DCAF6: variants seen among roughly 807,000 people sequenced by gnomAD.
DCAF6 encodes DDB1- and CUL4-associated factor 6.
DCAF6 carries 54 observed loss-of-function variants against 125.1 expected under a neutral mutation model. That is an observed-to-expected ratio of 0.43 (90% CI 0.35 to 0.54). DCAF6 has a LOEUF of 0.54. Among genes scored for constraint, DCAF6 ranks in the 20% least tolerant of loss-of-function variants. The probability of loss-of-function intolerance (pLI) is 0.01; values close to 1 mark genes in which losing one functional copy is unlikely to be tolerated. For missense variants in DCAF6, 934 were observed against 1,161.7 expected, an observed-to-expected ratio of 0.80 and a Z score of 2.85; for synonymous variants, 371 against 390.4, an observed-to-expected ratio of 0.95 and a Z score of 0.58.
the DCAF6 span, chr1:167,880,071 T>C: frequency 8.4e-6 from 13 of 1,541,242 alleles, no homozygotes; most frequent in Middle Eastern, 2.0e-4. Flanking sequence ...GGCAAGGTGC[T>C]GTGTTTGCAG....
chr1:167,919,841 T>C, the DCAF6 span: 1 of 540,268 alleles, frequency 1.9e-6, no homozygotes, highest in Non-Finnish European at 3.3e-6. Flanking sequence ...GTCTTAGCAT[T>C]ATATATGAAT....
chr1:167,951,485 G>GA (rs1673929747), intron 1 of DCAF6, among the ~76,000 whole-genome samples: 1 of 152,176 alleles, frequency 6.6e-6, no homozygotes, highest in Admixed American at 6.5e-5. Context: ...TGAGGAAGGA[G>GA]AATTGCTTGA....
intron 7 of DCAF6, among the ~76,000 whole-genome samples, chr1:167,997,569 A>G (rs1471774814): frequency 2.0e-5 from 3 of 152,146 alleles, no homozygotes; most frequent in Non-Finnish European, 2.9e-5. Context: ...GTTACTAGGT[A>G]TGGTTTCCAG....
chr1:168,019,526 C>T (rs1281969635), intron 11 of DCAF6: 2 of 455,654 alleles, frequency 4.4e-6, no homozygotes, highest in African/African-American at 2.0e-5. Flanking sequence ...TTAAGCCCAA[C>T]TCTTTTTTTC....
At chr1:168,014,802 C>T (rs1684739967) in intron 10 of DCAF6, among the ~76,000 whole-genome samples, 1 of 152,200 alleles carries the variant, frequency 6.6e-6, no homozygotes, top group Non-Finnish European at 1.5e-5. Flanking sequence ...ACTCTTCCTC[C>T]AGGTATCCAT....
At chr1:168,069,319 G>A (rs1352758634) in intron 21 of DCAF6, among the ~76,000 whole-genome samples, 1 of 152,050 alleles carries the variant, frequency 6.6e-6, no homozygotes, top group African/African-American at 2.4e-5. Context: ...CAAACCTCTG[G>A]ATGATCTAAT....
intron 17 of DCAF6, among the ~76,000 whole-genome samples, chr1:168,059,690 G>C (rs560405921): frequency 1.3e-5 from 2 of 152,110 alleles, no homozygotes; most frequent in Admixed American, 6.5e-5. Context: ...GTGTCGCCTA[G>C]GCTGGATTGC....
intron 1 of DCAF6, among the ~76,000 whole-genome samples, chr1:167,944,387 T>G (rs189265372): frequency 2.0e-5 from 3 of 152,344 alleles, no homozygotes; most frequent in African/African-American, 7.2e-5. Flanking sequence ...TGGAGAAATC[T>G]CCATACTGTT....
chr1:167,929,665 T>G, the DCAF6 span, among the ~76,000 whole-genome samples: 2 of 152,188 alleles, frequency 1.3e-5, no homozygotes, highest in Non-Finnish European at 1.5e-5. Context: ...TAATAAAATA[T>G]TATATGAATC....
intron 11 of DCAF6, among the ~76,000 whole-genome samples, chr1:168,017,621 A>G (rs1685152299): frequency 6.6e-6 from 1 of 152,146 alleles, no homozygotes; most frequent in South Asian, 2.1e-4. Flanking sequence ...AACAGTAGAA[A>G]TTAAATTTAT....
upstream of DCAF6, among the ~76,000 whole-genome samples, chr1:167,935,276 G>T (rs1671071912): frequency 6.6e-6 from 1 of 152,238 alleles, no homozygotes; most frequent in Admixed American, 6.5e-5. Context: ...GGCTCAGTCT[G>T]CAGGCCTCTG....
intron 11 of DCAF6, among the ~76,000 whole-genome samples, 171 bp downstream of exon 11, chr1:168,016,122 G>C (rs1684946151): frequency 1.3e-5 from 2 of 152,182 alleles, no homozygotes; most frequent in Admixed American, 6.5e-5. Context: ...TAGGGGGACA[G>C]ATTGGCAGCA....
At chr1:167,994,809 CCATTGA>C in intron 7 of DCAF6, among the ~76,000 whole-genome samples, 1 of 151,890 alleles carries the variant, frequency 6.6e-6, no homozygotes, top group Admixed American at 6.6e-5. Context: ...TTGAAATTAA[CCATTGA>C]TTTTTATTTT....
chr1:168,034,884 TTAAA>T (rs1223714121), intron 12 of DCAF6, among the ~76,000 whole-genome samples: 1 of 152,156 alleles, frequency 6.6e-6, no homozygotes, highest in Non-Finnish European at 1.5e-5. Context: ...TTGGGAACAT[TTAAA>T]TAGTTACAAT....
chr1:168,008,819 C>T (rs1334668400), intron 10 of DCAF6, among the ~76,000 whole-genome samples: 1 of 150,472 alleles, frequency 6.6e-6, no homozygotes, highest in Non-Finnish European at 1.5e-5. Flanking sequence ...AATTTCCGTG[C>T]CAAATTCTGC....
rs1200463452 is a variant in DCAF6, at chr1:168,063,639, T to C, written c.2319T>C (p.Arg773=). The change falls in exon 18 of 22, where the codon CGT becomes CGC. Residue 773 remains arginine, a synonymous_variant. Coordinates refer to ENST00000367840, the MANE Select transcript of DCAF6 (RefSeq NM_001198956.2). The part of the protein sequence containing the change: ...DRIMRRSAVA[R]IQEFFRRRKE... ...CATATAGACGCTCTGCTGTTGCCCG[T>C]ATTCAGGAGTTCTTCAGACGGAGAA... 6.3e-7 allele frequency: 1 copy of C among 1,595,104 alleles called. No individual in the cohort carries two copies. Among genetic ancestry groups the C allele is most frequent in the Non-Finnish European group, 8.5e-7 (1 of 1,172,302 alleles).
rs1403563114 is a variant in DCAF6, at chr1:168,049,428, GTTGTTTT to G, written c.2259-1461_2259-1455del. On this transcript the variant is annotated intron_variant, in intron 16 of 21. Coordinates refer to ENST00000367840, the MANE Select transcript of DCAF6 (RefSeq NM_001198956.2). ...CTGCTAATTTGTTGTTGTTGTTGTT[GTTGTTTT>G]TTTTTTTTTTTTTTTTTAGAAGAGA... is the stretch of plus-strand genomic sequence containing the variant. 8.4e-3 allele frequency among the ~76,000 whole-genome samples: 564 copies of G among 67,406 alleles called. 3 individuals carry two copies. Among genetic ancestry groups the G allele is most frequent in the African/African-American group, 0.033 (524 of 15,834 alleles). The allele number at this position is 67,406 out of a possible 152,430, so 44.2% of individuals were successfully genotyped here.
chr1:167,987,552 G>A lies in DCAF6; in HGVS notation c.496G>A (p.Val166Ile). ...TCTCTCTTGTGGTGAAGATGGAACT[G>A]TTAGGTGGTTTGATACACGCATCAA... is the stretch of plus-strand genomic sequence containing the variant. ...TFLSCGEDGT[V>I]RWFDTRIKTS... is the part of the protein sequence containing the mutation. Residue 166 changes from valine (V) to isoleucine (I), a missense_variant, in exon 5 of 22, where the codon GTT becomes ATT. Transcript: ENST00000367840. 5 of 1,609,138 alleles carry A rather than the reference G, an allele frequency of 3.1e-6. No individual in the cohort carries two copies. Among genetic ancestry groups the A allele is most frequent in the Non-Finnish European group, 4.2e-6 (5 of 1,177,016 alleles).
chr1:167,884,691 TTAA>T, the DCAF6 span, among the ~76,000 whole-genome samples: 1 of 144,442 alleles, frequency 6.9e-6, no homozygotes, highest in Non-Finnish European at 1.5e-5. Context: ...TTCAATCATT[TTAA>T]TTTTTTTTTT....
Sources: allele counts gnomAD v4.1 joint callset (sites outside exome capture counted in the v4.1 genomes callset), GRCh38; gene constraint gnomAD v4.1.1; transcripts MANE v1.5; gene names NCBI Gene and HGNC (gene_info 2026-07-23, HGNC 2026-07-21).